ALOX5: variants seen among roughly 807,000 people sequenced by gnomAD.
ALOX5 encodes the protein polyunsaturated fatty acid 5-lipoxygenase.
A neutral mutation model predicts 87.9 loss-of-function variants in ALOX5; 64 were observed. The observed-to-expected ratio is 0.73, with a 90% confidence interval of 0.60 to 0.90. ALOX5 has a LOEUF of 0.90. Among genes scored for constraint, ALOX5 ranks in the 40% least tolerant of loss-of-function variants. The pLI, the probability that ALOX5 is intolerant of heterozygous loss-of-function variation, is 0.00. For synonymous variants in ALOX5, 388 were observed against 355.1 expected (o/e 1.09, Z -1.04); for missense variants, 822 against 907.5 (o/e 0.91, Z 1.21).
chr10:45,398,565 A>G (rs1840593214), intron 3 of ALOX5, among the ~76,000 whole-genome samples: 1 of 152,270 alleles, frequency 6.6e-6, no homozygotes, highest in East Asian at 1.9e-4. Context: ...AAGTGAAAAG[A>G]TGAACCACAG....
chr10:45,440,913 C>T (rs1310548377), intron 8 of ALOX5, among the ~76,000 whole-genome samples: 1 of 152,218 alleles, frequency 6.6e-6, no homozygotes, highest in Non-Finnish European at 1.5e-5. Context: ...TGATCCTCGG[C>T]TGATGCTGAT....
At chr10:45,389,124 G>A (rs935524635) in intron 2 of ALOX5, among the ~76,000 whole-genome samples, 21 of 152,284 alleles carry the variant, frequency 1.4e-4, no homozygotes, top group African/African-American at 3.4e-4. Flanking sequence ...GAAATGAAGC[G>A]AGAAGATAAG....
At chr10:45,443,330 T>C in intron 10 of ALOX5, 86 bp from the exon 11 acceptor site, 3 of 1,582,620 alleles carry the variant, frequency 1.9e-6, no homozygotes, top group Non-Finnish European at 2.6e-6. Context: ...GGTGGGGGAG[T>C]CCCAGCGTCC....
intron 7 of ALOX5, among the ~76,000 whole-genome samples, chr10:45,437,071 G>A (rs552313007): frequency 6.6e-6 from 1 of 152,124 alleles, no homozygotes; most frequent in African/African-American, 2.4e-5. Context: ...CTGATTTTTA[G>A]GCCAGGCACA....
At chr10:45,445,480 ATG>A in intron 13 of ALOX5, 26 bp from the exon 14 acceptor site, 1 of 1,606,232 alleles carries the variant, frequency 6.2e-7, no homozygotes, top group Non-Finnish European at 8.5e-7. Context: ...GGATTGACCT[ATG>A]TGTGTGTCCA....
intron 3 of ALOX5, 21 bp downstream of exon 3, chr10:45,395,957 G>A (rs757283347): frequency 2.8e-5 from 45 of 1,609,600 alleles, no homozygotes; most frequent in South Asian, 4.4e-5. Flanking sequence ...ACATCAGATC[G>A]AGTGGCCACG....
chr10:45,403,070 C>T (rs527742846), intron 3 of ALOX5, among the ~76,000 whole-genome samples: 7 of 152,272 alleles, frequency 4.6e-5, no homozygotes, highest in Admixed American at 2.0e-4. Context: ...GTAAGACCTC[C>T]GTGGAAAACA....
intron 7 of ALOX5, among the ~76,000 whole-genome samples, chr10:45,437,147 G>A (rs1373784959): frequency 2.6e-5 from 4 of 152,228 alleles, no homozygotes; most frequent in African/African-American, 7.2e-5. Flanking sequence ...GAGGTCAGGA[G>A]TTTGAGACCA....
chr10:45,432,797 G>A (rs1388254794), intron 7 of ALOX5, among the ~76,000 whole-genome samples: 3 of 152,156 alleles, frequency 2.0e-5, no homozygotes, highest in African/African-American at 7.2e-5. Flanking sequence ...AGTTATAAGG[G>A]GAAAGCTAAG....
rs1423769243 is a variant in ALOX5 at position 45,391,916 on chromosome 10, C to T, written c.350-3939C>T. Among the ~76,000 whole-genome samples the T allele has an allele frequency of 1.2e-4, 14 of 116,392 alleles. No homozygotes were observed. In the East Asian group the frequency reaches 1.4e-3, roughly 12 times the overall value. The allele number at this position is 116,392 out of a possible 152,430, so 76.4% of individuals were successfully genotyped here. The stretch of plus-strand genomic sequence containing the variant: ...CCTTCTGAGAAGTGAGGAGCCCCTC[C>T]GCCCGGCAGCCGCCCCGTCTGGGAA... On this transcript the variant is annotated intron_variant, in intron 2 of 13. Coordinates refer to ENST00000374391, the MANE Select transcript of ALOX5 (RefSeq NM_000698.5).
At position 45,395,864 on chromosome 10, in the gene ALOX5, C is replaced by T; in HGVS notation, c.359C>T (p.Ala120Val). 1 of 1,614,148 alleles carries T rather than the reference C, an allele frequency of 6.2e-7. No homozygotes were observed. Residue 120 changes from alanine (A) to valine (V), a missense_variant, in exon 3 of 14, where the codon GCC becomes GTC. By Grantham distance (64) the Ala-to-Val change is moderately conservative. Coordinates refer to ENST00000374391, the MANE Select transcript of ALOX5 (RefSeq NM_000698.5). Reference protein sequence around the residue: ...VVLRDGRAKLARDDQIHILKQ... With the variant: ...VVLRDGRAKLVRDDQIHILKQ... ...TGTTCTTTCTTTACAGCAAAGTTGG[C>T]CCGAGATGACCAAATTCACATTCTC...
chr10:45,415,035 C>T (rs1589021492), intron 4 of ALOX5, among the ~76,000 whole-genome samples: 1 of 152,206 alleles, frequency 6.6e-6, no homozygotes, highest in Non-Finnish European at 1.5e-5. Context: ...GACGATTCCT[C>T]AAGGATCTAG....
Position 45,405,927 on chromosome 10 carries a change from C to T in ALOX5, c.432-6264C>T, listed in dbSNP as rs146167018. On this transcript the variant is annotated intron_variant, in intron 3 of 13. Coordinates refer to ENST00000374391, the MANE Select transcript of ALOX5 (RefSeq NM_000698.5). ...CTCCTGCCACGTGTTTTCATACATACCTGGGTGGAACTCTCCCGGTAGCAT... is the reference window on the plus strand; with the variant it reads ...CTCCTGCCACGTGTTTTCATACATATCTGGGTGGAACTCTCCCGGTAGCAT... 2.2e-3 allele frequency among the ~76,000 whole-genome samples: 331 copies of T among 152,166 alleles called. 2 individuals carry two copies. The highest frequency in any genetic ancestry group is 5.8e-3 in the Admixed American group (89 of 15,278).
intron 6 of ALOX5, among the ~76,000 whole-genome samples, chr10:45,427,466 C>T (rs993447365): frequency 6.6e-6 from 1 of 152,246 alleles, no homozygotes; most frequent in Non-Finnish European, 1.5e-5. Context: ...TGTCACACCA[C>T]ATAAAGGAGG....
chr10:45,377,748 C>T lies in ALOX5; in HGVS notation c.150+3319C>T, dbSNP rs561695660. Among the ~76,000 whole-genome samples, 87 of 152,258 alleles carry T rather than the reference C, an allele frequency of 5.7e-4. 1 individual carries two copies. Among genetic ancestry groups the T allele is most frequent in the South Asian group, 4.8e-3 (23 of 4,824 alleles). ...GGGGTGGGGCACACATCCTTGCTTC[C>T]GCAGAGAGATCCGTCTCCCTGTCCC... On this transcript the variant is annotated intron_variant, in intron 1 of 13. Coordinates refer to ENST00000374391, the MANE Select transcript of ALOX5 (RefSeq NM_000698.5).
intron 3 of ALOX5, among the ~76,000 whole-genome samples, chr10:45,399,100 T>C (rs1384530447): frequency 6.6e-6 from 1 of 152,230 alleles, no homozygotes; most frequent in Non-Finnish European, 1.5e-5. Context: ...AGTATATCTA[T>C]ATAATTTGAC....
chr10:45,395,918 C>G lies in ALOX5; in HGVS notation c.413C>G (p.Thr138Arg). 1 of 1,614,206 alleles carries G rather than the reference C, an allele frequency of 6.2e-7. No individual in the cohort carries two copies. The highest frequency in any genetic ancestry group is 1.3e-5 in the African/African-American group (1 of 75,056). Residue 138 changes from threonine (T) to arginine (R), a missense_variant, in exon 3 of 14, where the codon ACA becomes AGA. Physicochemically the swap from Thr to Arg is moderately conservative, Grantham distance 71. Transcript: ENST00000374391. The part of the protein sequence containing the change: ...LKQHRRKELE[T>R]RQKQYRWMEW... ...CAACACCGACGTAAAGAACTGGAAA[C>G]ACGGCAAAAACAATATCGGTGAGTT...
chr10:45,439,462 A>AC (rs1842158167), intron 7 of ALOX5, among the ~76,000 whole-genome samples: 1 of 151,830 alleles, frequency 6.6e-6, no homozygotes, highest in African/African-American at 2.4e-5. Context: ...CTTTCTGTCA[A>AC]CCCCTCCAAT....
chr10:45,407,404 C>T (rs11239519), intron 3 of ALOX5, among the ~76,000 whole-genome samples: 22,215 of 149,324 alleles, frequency 0.15, 1,792 homozygotes, highest in African/African-American at 0.16. Flanking sequence ...TTTTTTTTTC[C>T]CCCCCACCTA....
Sources: allele counts gnomAD v4.1 joint callset (sites outside exome capture counted in the v4.1 genomes callset), GRCh38; gene constraint gnomAD v4.1.1; transcripts MANE v1.5; gene names NCBI Gene and HGNC (gene_info 2026-07-23, HGNC 2026-07-21).